Variants in NCOR1 observed in about 807,000 individuals in gnomAD.
The protein encoded by NCOR1 is protein phosphatase 1, regulatory subunit 109.
Under a neutral mutation model 288.1 loss-of-function variants are expected in NCOR1, and 63 were observed. The ratio of observed to expected loss-of-function variants is 0.22; its 90% confidence interval spans 0.18 to 0.27. The LOEUF is 0.27. Ranked by LOEUF, NCOR1 falls within the 10% of genes least tolerant of loss-of-function variation. The pLI is 1.00. For missense variants in NCOR1, 2,397 were observed against 3,019.2 expected (o/e 0.79, Z 4.83); for synonymous variants, 1,007 against 1,065.9 (o/e 0.94, Z 1.08).
At chr17:16,209,720 G>C (rs1309673552) in intron 1 of NCOR1, among the ~76,000 whole-genome samples, 1 of 151,366 alleles carries the variant, frequency 6.6e-6, no homozygotes, top group African/African-American at 2.4e-5. Flanking sequence ...GGGAGGCCAA[G>C]GCGGGCAGAT....
At chr17:16,128,040 G>A (rs1177110437) in intron 14 of NCOR1, among the ~76,000 whole-genome samples, 1 of 151,880 alleles carries the variant, frequency 6.6e-6, no homozygotes, top group African/African-American at 2.4e-5. Flanking sequence ...TCAGTCTCCC[G>A]AATGCTGGGA....
At chr17:16,096,160 A>G (rs1598542537) in intron 21 of NCOR1, among the ~76,000 whole-genome samples, 3 of 152,148 alleles carry the variant, frequency 2.0e-5, no homozygotes, top group South Asian at 2.1e-4. Flanking sequence ...CCACTCCCCA[A>G]TCTCAAGTAC....
intron 5 of NCOR1, chr17:16,164,723 T>A (rs559980095): frequency 3.3e-5 from 8 of 242,632 alleles, no homozygotes; most frequent in Admixed American, 1.1e-4. Context: ...CCAGCACCAT[T>A]GTATGGAATA....
chr17:16,165,207 G>C (rs756042093), intron 4 of NCOR1, 46 bp from the exon 5 acceptor site: 5 of 1,502,954 alleles, frequency 3.3e-6, no homozygotes, highest in Non-Finnish European at 4.5e-6. Context: ...CTCACTAATA[G>C]AGTCCAGATT....
chr17:16,203,942 C>A (rs1600525785), intron 1 of NCOR1, among the ~76,000 whole-genome samples: 1 of 152,094 alleles, frequency 6.6e-6, no homozygotes, highest in Non-Finnish European at 1.5e-5. Context: ...TCTATGATTT[C>A]TTTTTGAATG....
chr17:16,177,359 G>A (rs1421583262), intron 3 of NCOR1, among the ~76,000 whole-genome samples: 1 of 151,978 alleles, frequency 6.6e-6, no homozygotes, highest in East Asian at 1.9e-4. Context: ...TTTCTTACAC[G>A]TGGCGATTTT....
At chr17:16,120,099 A>G (rs775224539) in intron 16 of NCOR1, among the ~76,000 whole-genome samples, 29 of 152,166 alleles carry the variant, frequency 1.9e-4, no homozygotes, top group Non-Finnish European at 3.5e-4. Context: ...CAAGTTACCA[A>G]TAGGCTCCTT....
intron 34 of NCOR1, among the ~76,000 whole-genome samples, 184 bp downstream of exon 34, chr17:16,064,686 A>G (rs781367830): frequency 7.9e-5 from 12 of 152,228 alleles, no homozygotes; most frequent in Non-Finnish European, 1.6e-4. Context: ...GAAGCATAAC[A>G]TAAGCTTTTA....
At chr17:16,141,469 A>C (rs940428883) in intron 11 of NCOR1, among the ~76,000 whole-genome samples, 2 of 152,202 alleles carry the variant, frequency 1.3e-5, no homozygotes, top group Non-Finnish European at 2.9e-5. Flanking sequence ...TACCTCCTCC[A>C]GGGCTAGTTT....
chr17:16,181,003 A>T (rs1156843519), intron 3 of NCOR1, among the ~76,000 whole-genome samples: 8 of 152,164 alleles, frequency 5.3e-5, no homozygotes, highest in Non-Finnish European at 7.3e-5. Context: ...TACTAAAAAT[A>T]CAAAAAGTAG....
intron 22 of NCOR1, chr17:16,087,156 G>A: frequency 7.7e-7 from 1 of 1,302,806 alleles, no homozygotes; most frequent in Non-Finnish European, 1.0e-6. Context: ...CCACTGCACA[G>A]AGGAGTGATA....
intron 43 of NCOR1, chr17:16,039,860 G>A: frequency 7.8e-6 from 4 of 515,428 alleles, no homozygotes; most frequent in Non-Finnish European, 1.4e-5. Flanking sequence ...GCGCGATCTT[G>A]GCTCACTGCA....
intron 42 of NCOR1, chr17:16,040,872 C>T (rs955623846): frequency 5.3e-6 from 1 of 190,170 alleles, no homozygotes; most frequent in Non-Finnish European, 1.1e-5. Flanking sequence ...ATCTGTTTAC[C>T]AAAAATAAAT....
At chr17:16,181,036 G>A (rs139965236) in intron 3 of NCOR1, among the ~76,000 whole-genome samples, 15 of 152,252 alleles carry the variant, frequency 9.9e-5, no homozygotes, top group African/African-American at 2.9e-4. Context: ...GCACACGCCT[G>A]TAGTCCCAGC....
chr17:16,037,175 C>T (rs573237230), intron 44 of NCOR1, among the ~76,000 whole-genome samples: 52 of 152,242 alleles, frequency 3.4e-4, no homozygotes, highest in Middle Eastern at 3.4e-3. Flanking sequence ...TCAGGACACA[C>T]ACCACCTTTA....
intron 3 of NCOR1, among the ~76,000 whole-genome samples, chr17:16,184,666 G>A (rs1281827958): frequency 6.6e-6 from 1 of 152,078 alleles, no homozygotes; most frequent in Non-Finnish European, 1.5e-5. Context: ...AGTTCCTAAA[G>A]CAATTAAAAA....
chr17:16,053,508 G>C (rs944684483), intron 40 of NCOR1, among the ~76,000 whole-genome samples: 2 of 151,760 alleles, frequency 1.3e-5, no homozygotes, highest in African/African-American at 4.8e-5. Flanking sequence ...CTCTACAAGG[G>C]GAACTACAAA....
intron 2 of NCOR1, among the ~76,000 whole-genome samples, chr17:16,192,609 T>C (rs1404874028): frequency 6.6e-6 from 1 of 152,006 alleles, no homozygotes. Context: ...TGAGCTCAGA[T>C]GGCACCATAG....
intron 40 of NCOR1, among the ~76,000 whole-genome samples, chr17:16,053,033 G>A (rs1015938472): frequency 6.6e-6 from 1 of 152,140 alleles, no homozygotes; most frequent in Admixed American, 6.5e-5. Context: ...AGATATTGAA[G>A]GAACATACCT....
Sources: allele counts gnomAD v4.1 joint callset (sites outside exome capture counted in the v4.1 genomes callset), GRCh38; gene constraint gnomAD v4.1.1; transcripts MANE v1.5; gene names NCBI Gene and HGNC (gene_info 2026-07-23, HGNC 2026-07-21).